The following PTPRK variants were observed in gnomAD, a reference collection of about 807,000 sequenced individuals.
The protein encoded by PTPRK is protein tyrosine phosphatase receptor type K.
A neutral mutation model predicts 178.0 loss-of-function variants in PTPRK; 75 were observed. That is an observed-to-expected ratio of 0.42 (90% CI 0.35 to 0.51). PTPRK has a LOEUF of 0.51. PTPRK is among the 20% of genes least tolerant of loss of function. The pLI is 0.02. For missense variants in PTPRK, 1,441 were observed against 1,797.8 expected (o/e 0.80, Z 3.59); for synonymous variants, 637 against 620.6 (o/e 1.03, Z -0.39).
At position 128,519,945 on chromosome 6, in the gene PTPRK, A is replaced by G. The variant is rs1008763231; in HGVS notation, c.100+314T>C. ...AACAGAGTGCCGTCACGGGAGTCGT[A>G]ACTACTTTTTCTTTCTCTCTTCCCC... On this transcript the variant is annotated intron_variant, in intron 1 of 29. Coordinates refer to ENST00000368226, the MANE Select transcript of PTPRK (RefSeq NM_002844.4). This position sits in a 1 kb window ranked among gnomAD's most constrained non-coding sequence, Gnocchi z 4.3. Among the ~76,000 whole-genome samples, 2 of 152,194 alleles carry G rather than the reference A, an allele frequency of 1.3e-5. No homozygotes were observed. Among genetic ancestry groups the G allele is most frequent in the Non-Finnish European group, 2.9e-5 (2 of 68,040 alleles).
At chr6:128,305,820 A>C (rs1239675608) in intron 3 of PTPRK, among the ~76,000 whole-genome samples, 1 of 152,248 alleles carries the variant, frequency 6.6e-6, no homozygotes, top group Non-Finnish European at 1.5e-5. Flanking sequence ...GTATCCTTCT[A>C]CTAATCAATC....
chr6:127,981,054 G>A, intron 25 of PTPRK, 62 bp downstream of exon 25: 1 of 1,418,064 alleles, frequency 7.1e-7, no homozygotes, highest in South Asian at 1.4e-5. Flanking sequence ...ACTAGCCAGT[G>A]TTCAGTTGCA....
chr6:128,373,190 TTAAA>T (rs1330811328), intron 2 of PTPRK, among the ~76,000 whole-genome samples: 1 of 152,184 alleles, frequency 6.6e-6, no homozygotes, highest in Non-Finnish European at 1.5e-5. Context: ...TATATACTAT[TTAAA>T]TAAAGTTGCA....
intron 25 of PTPRK, among the ~76,000 whole-genome samples, chr6:127,977,272 A>G (rs1016120311): frequency 6.6e-6 from 1 of 152,228 alleles, no homozygotes; most frequent in Non-Finnish European, 1.5e-5. Flanking sequence ...GAAGACTTCA[A>G]TGCTTCCAAA....
intron 3 of PTPRK, among the ~76,000 whole-genome samples, chr6:128,275,340 C>A (rs1820552206): frequency 6.6e-6 from 1 of 151,950 alleles, no homozygotes; most frequent in African/African-American, 2.4e-5. Flanking sequence ...GTGTTCAGAG[C>A]CCTGATATGT....
intron 6 of PTPRK, among the ~76,000 whole-genome samples, chr6:128,194,820 AG>A (rs1489591408): frequency 6.6e-6 from 1 of 152,198 alleles, no homozygotes; most frequent in Admixed American, 6.5e-5. Flanking sequence ...GAATATGCCT[AG>A]ATTATATAGC....
intron 7 of PTPRK, among the ~76,000 whole-genome samples, chr6:128,175,612 T>C (rs1800943528): frequency 6.6e-6 from 1 of 151,820 alleles, no homozygotes; most frequent in East Asian, 1.9e-4. Flanking sequence ...GAACTGTATA[T>C]ACTTTGTACT....
chr6:128,117,325 T>TGTTAGTCTAC (rs1562614616), intron 7 of PTPRK, among the ~76,000 whole-genome samples: 1 of 152,172 alleles, frequency 6.6e-6, no homozygotes, highest in Non-Finnish European at 1.5e-5. Context: ...CATTTTCCTA[T>TGTTAGTCTAC]GTTAGTGTTA....
chr6:128,020,987 T>A (rs1773418515), intron 13 of PTPRK, among the ~76,000 whole-genome samples: 1 of 152,210 alleles, frequency 6.6e-6, no homozygotes, highest in African/African-American at 2.4e-5. Flanking sequence ...TGCCTTAATA[T>A]TAAACAGATG....
chr6:128,209,121 T>C (rs778392250), intron 6 of PTPRK, among the ~76,000 whole-genome samples: 18 of 152,080 alleles, frequency 1.2e-4, no homozygotes, highest in Admixed American at 2.0e-4. Flanking sequence ...CTCAAGTTTT[T>C]AAAATTGTAA....
intron 16 of PTPRK, among the ~76,000 whole-genome samples, chr6:127,998,368 T>C (rs1348701991): frequency 6.6e-6 from 1 of 152,058 alleles, no homozygotes; most frequent in Non-Finnish European, 1.5e-5. Context: ...TTCATTCAAA[T>C]GATAGAATCT....
chr6:128,298,476 T>C (rs1163526284), intron 3 of PTPRK, among the ~76,000 whole-genome samples: 1 of 151,494 alleles, frequency 6.6e-6, no homozygotes. Flanking sequence ...CTCAATAAAA[T>C]ACTGGCAAAC....
At chr6:128,318,167 T>A in intron 3 of PTPRK, among the ~76,000 whole-genome samples, 1 of 152,192 alleles carries the variant, frequency 6.6e-6, no homozygotes, top group Non-Finnish European at 1.5e-5. Flanking sequence ...CCCCTCTTTT[T>A]ACTCTTTGCA....
Position 128,477,645 on chromosome 6 carries a change from T to C in PTPRK, c.100+42614A>G, listed in dbSNP as rs17055900. Among the ~76,000 whole-genome samples the C allele has an allele frequency of 4.6e-3, 698 of 152,242 alleles. 6 individuals carry two copies. Among genetic ancestry groups the C allele is most frequent in the African/African-American group, 0.016 (661 of 41,568 alleles). ...AACCACCAAGTTTCAACTAATAGTATTTAAAAGCACCAAAGAAAAGACTAC... is the reference window on the plus strand; with the variant it reads ...AACCACCAAGTTTCAACTAATAGTACTTAAAAGCACCAAAGAAAAGACTAC... On this transcript the variant is annotated intron_variant, in intron 1 of 29. Coordinates refer to ENST00000368226, the MANE Select transcript of PTPRK (RefSeq NM_002844.4).
At chr6:128,198,753 T>A (rs567664934) in intron 6 of PTPRK, among the ~76,000 whole-genome samples, 2 of 152,290 alleles carry the variant, frequency 1.3e-5, no homozygotes, top group East Asian at 3.9e-4. Context: ...CTCACTACAC[T>A]CTCTTCAGCC....
intron 1 of PTPRK, among the ~76,000 whole-genome samples, chr6:128,479,079 TA>T (rs1851726625): frequency 6.6e-6 from 1 of 151,982 alleles, no homozygotes; most frequent in Non-Finnish European, 1.5e-5. Context: ...CTGACTCTAC[TA>T]GAGTGTAGCT....
At chr6:128,293,701 C>T (rs1025994015) in intron 3 of PTPRK, among the ~76,000 whole-genome samples, 5 of 152,000 alleles carry the variant, frequency 3.3e-5, no homozygotes, top group Non-Finnish European at 7.4e-5. Context: ...ACCAATATGC[C>T]TGATCAAAAT....
chr6:128,429,944 T>C (rs1425604029), intron 1 of PTPRK, among the ~76,000 whole-genome samples: 3 of 152,216 alleles, frequency 2.0e-5, no homozygotes, highest in Non-Finnish European at 2.9e-5. Flanking sequence ...AATTCACTTA[T>C]TAGGTATGAA....
At chr6:128,498,134 C>G (rs1177286444) in intron 1 of PTPRK, among the ~76,000 whole-genome samples, 1 of 152,222 alleles carries the variant, frequency 6.6e-6, no homozygotes, top group South Asian at 2.1e-4. Flanking sequence ...TCCTTAACAC[C>G]CTTTTTCTGT....
Sources: allele counts gnomAD v4.1 joint callset (sites outside exome capture counted in the v4.1 genomes callset), GRCh38; gene constraint gnomAD v4.1.1; non-coding constraint Gnocchi (gnomAD v3.1); transcripts MANE v1.5; gene names NCBI Gene and HGNC (gene_info 2026-07-23, HGNC 2026-07-21).